Variants in KCNQ3 observed in about 807,000 individuals in gnomAD.
The protein encoded by KCNQ3 is potassium voltage-gated channel subfamily Q member 3, also known as potassium voltage-gated channel subfamily KQT member 3.
KCNQ3 carries 30 observed loss-of-function variants against 92.5 expected under a neutral mutation model. The ratio of observed to expected loss-of-function variants is 0.32; its 90% confidence interval spans 0.24 to 0.44. The LOEUF (loss-of-function observed/expected upper bound fraction) is 0.44. Among genes scored for constraint, KCNQ3 ranks in the 20% least tolerant of loss-of-function variants. KCNQ3 has a pLI of 1.00. For missense variants in KCNQ3, 913 were observed against 1,140.3 expected, an observed-to-expected ratio of 0.80 and a Z score of 2.87; for synonymous variants, 450 against 468.8, an observed-to-expected ratio of 0.96 and a Z score of 0.52.
chr8:132,469,593 A>C (rs1822252123), intron 1 of KCNQ3, among the ~76,000 whole-genome samples: 1 of 152,114 alleles, frequency 6.6e-6, no homozygotes, highest in African/African-American at 2.4e-5. Flanking sequence ...CCACATTTGA[A>C]GATCTTTTCC....
chr8:132,479,992 A>ACC lies in KCNQ3; in HGVS notation c.386+153_386+154dup, dbSNP rs3221620. Among the ~76,000 whole-genome samples the ACC allele has an allele frequency of 2.2e-3, 322 of 146,962 alleles. 2 individuals carry two copies. The highest frequency in any genetic ancestry group is 3.0e-3 in the Non-Finnish European group (196 of 66,406). ...CACACACACACACACACACACACAC[A>ACC]CCCAGGGAAACGCGTGCTGAGGACG... On this transcript the variant is annotated intron_variant, in intron 1 of 14. Coordinates refer to ENST00000388996, the MANE Select transcript of KCNQ3 (RefSeq NM_004519.4).
chr8:132,322,975 C>A (rs1016600459), intron 1 of KCNQ3, among the ~76,000 whole-genome samples: 1 of 152,114 alleles, frequency 6.6e-6, no homozygotes, highest in Non-Finnish European at 1.5e-5. Flanking sequence ...GCAGTTTGGG[C>A]CCTTTGTTTC....
intron 4 of KCNQ3, among the ~76,000 whole-genome samples, chr8:132,179,579 C>T (rs897306511): frequency 2.0e-5 from 3 of 152,220 alleles, no homozygotes; most frequent in Non-Finnish European, 2.9e-5. Flanking sequence ...ATAATAATTG[C>T]AACTGAACAA....
intron 1 of KCNQ3, among the ~76,000 whole-genome samples, chr8:132,305,868 G>C (rs562529524): frequency 6.9e-6 from 1 of 144,428 alleles, no homozygotes; most frequent in African/African-American, 2.6e-5. Context: ...GAGTTTTTTG[G>C]GGGGTTTTTT....
At chr8:132,197,305 A>T (rs62519634) in intron 1 of KCNQ3, among the ~76,000 whole-genome samples, 17,906 of 152,192 alleles carry the variant, frequency 0.12, 1,986 homozygotes, top group African/African-American at 0.29. Flanking sequence ...CACCAGGCCA[A>T]GCAGCTCTGT....
At chr8:132,259,678 A>C (rs1389981800) in intron 1 of KCNQ3, among the ~76,000 whole-genome samples, 1 of 152,178 alleles carries the variant, frequency 6.6e-6, no homozygotes, top group Admixed American at 6.5e-5. Flanking sequence ...AAAATAAATA[A>C]AAGGCATCTG....
At chr8:132,411,015 A>G (rs1186618699) in intron 1 of KCNQ3, among the ~76,000 whole-genome samples, 1 of 152,170 alleles carries the variant, frequency 6.6e-6, no homozygotes, top group Non-Finnish European at 1.5e-5. Flanking sequence ...CCCTTTCTAT[A>G]AAGCTGCAGG....
At chr8:132,352,672 CTTTGAT>C (rs1818909044) in intron 1 of KCNQ3, among the ~76,000 whole-genome samples, 1 of 152,136 alleles carries the variant, frequency 6.6e-6, no homozygotes, top group Non-Finnish European at 1.5e-5. Flanking sequence ...CATCCTTTTC[CTTTGAT>C]TTTATTTTTC....
At chr8:132,276,128 C>T (rs934652253) in intron 1 of KCNQ3, among the ~76,000 whole-genome samples, 8 of 152,258 alleles carry the variant, frequency 5.3e-5, no homozygotes, top group Admixed American at 2.6e-4. Context: ...ACTGCTGTTT[C>T]GGCAAAGGAG....
chr8:132,139,231 C>A (rs1207354566), intron 11 of KCNQ3, among the ~76,000 whole-genome samples: 3 of 152,200 alleles, frequency 2.0e-5, no homozygotes. Flanking sequence ...TGCAGCGTCC[C>A]AGCAGAGATC....
At chr8:132,214,797 A>T (rs1408800797) in intron 1 of KCNQ3, among the ~76,000 whole-genome samples, 1 of 152,234 alleles carries the variant, frequency 6.6e-6, no homozygotes, top group Non-Finnish European at 1.5e-5. Flanking sequence ...GACAGATTAG[A>T]GGTGGAATGT....
In KCNQ3 at chr8:132,121,741, A is replaced by G. The variant is rs1309879444; in HGVS notation, c.*7521T>C. 1 of 152,242 alleles carries G rather than the reference A, an allele frequency of 6.6e-6. No homozygotes were observed. Among genetic ancestry groups the G allele is most frequent in the Non-Finnish European group, 1.5e-5 (1 of 68,046 alleles). The allele number at this position is 152,242 out of a possible 1,614,324, so 9.4% of individuals were successfully genotyped here. ...AGGTACAGTCTAGAGACAAAAGACCAGAGTCAGCAGAGACGTGGAGATATT... is the reference window on the plus strand; with the variant it reads ...AGGTACAGTCTAGAGACAAAAGACCGGAGTCAGCAGAGACGTGGAGATATT... On this transcript the variant is annotated 3_prime_UTR_variant, in exon 15 of 15. Coordinates refer to ENST00000388996, the MANE Select transcript of KCNQ3 (RefSeq NM_004519.4).
At chr8:132,138,962 TC>T (rs1825195780) in intron 11 of KCNQ3, among the ~76,000 whole-genome samples, 1 of 152,204 alleles carries the variant, frequency 6.6e-6, no homozygotes, top group Non-Finnish European at 1.5e-5. Flanking sequence ...AAACTAAGGC[TC>T]ACAGGCCAAC....
At chr8:132,140,560 A>C in intron 10 of KCNQ3, 1 of 252,616 alleles carries the variant, frequency 4.0e-6, no homozygotes. Flanking sequence ...GTCAGTCTCT[A>C]TCCTGGTGAC....
chr8:132,214,379 C>T (rs528728271), intron 1 of KCNQ3, among the ~76,000 whole-genome samples: 1 of 152,306 alleles, frequency 6.6e-6, no homozygotes, highest in Non-Finnish European at 1.5e-5. Context: ...TTCTTCTCAA[C>T]TTCCTTCCCT....
intron 1 of KCNQ3, among the ~76,000 whole-genome samples, chr8:132,475,037 G>A (rs1214548320): frequency 6.6e-6 from 1 of 152,092 alleles, no homozygotes; most frequent in East Asian, 1.9e-4. Context: ...TTTGATAAGT[G>A]TGTGACTCTT....
At chr8:132,276,806 A>G (rs553687949) in intron 1 of KCNQ3, among the ~76,000 whole-genome samples, 1 of 152,216 alleles carries the variant, frequency 6.6e-6, no homozygotes, top group Non-Finnish European at 1.5e-5. Flanking sequence ...GCGACTATGG[A>G]AAATCATTCG....
intron 1 of KCNQ3, among the ~76,000 whole-genome samples, chr8:132,198,983 C>A (rs1056280769): frequency 1.3e-5 from 2 of 152,152 alleles, no homozygotes; most frequent in African/African-American, 4.8e-5. Flanking sequence ...TCACAGCAAC[C>A]TATACCCTGG....
At chr8:132,447,850 A>G (rs1398848215) in intron 1 of KCNQ3, among the ~76,000 whole-genome samples, 1 of 152,216 alleles carries the variant, frequency 6.6e-6, no homozygotes, top group Non-Finnish European at 1.5e-5. Context: ...AGCATTTTTA[A>G]GAGATGGAAA....
Sources: gnomAD v4.1 joint callset for allele counts (sites outside exome capture counted in the v4.1 genomes callset) on GRCh38, gnomAD v4.1.1 for gene constraint, MANE v1.5 for transcripts, NCBI Gene and HGNC (gene_info 2026-07-23, HGNC 2026-07-21) for gene names.